DNAJB13: variants seen among roughly 807,000 people sequenced by gnomAD.
DNAJB13 encodes DnaJ heat shock protein family (Hsp40) member B13.
A neutral mutation model predicts 35.6 loss-of-function variants in DNAJB13; 22 were observed. The ratio of observed to expected loss-of-function variants is 0.62; its 90% CI spans 0.44 to 0.88. DNAJB13 has a LOEUF of 0.88. Among genes scored for constraint, DNAJB13 ranks in the 40% least tolerant of loss-of-function variants. The probability of loss-of-function intolerance (pLI) is 0.00; values close to 1 mark genes in which losing one functional copy is unlikely to be tolerated. For missense variants in DNAJB13, 370 were observed against 384.3 expected (o/e 0.96, Z 0.31); for synonymous variants, 136 against 144.2 (o/e 0.94, Z 0.41).
chr11:73,962,707 C>T (rs1339303449), intron 3 of DNAJB13, among the ~76,000 whole-genome samples: 2 of 152,208 alleles, frequency 1.3e-5, no homozygotes, highest in Non-Finnish European at 2.9e-5. Flanking sequence ...TTCAGCCTTT[C>T]TGAACTTCAT....
intron 5 of DNAJB13, chr11:73,968,120 G>A: frequency 1.9e-6 from 1 of 524,896 alleles, no homozygotes; most frequent in Non-Finnish European, 3.4e-6. Context: ...TGTCTATTTT[G>A]GGCATGCTCA....
rs776842427 is a variant in DNAJB13, at chr11:73,959,672, C to T, written c.334+17C>T. On this transcript the variant is annotated intron_variant, in intron 3 of 7. Transcript: ENST00000339764. ...CCTTCAGTGGTAAGAGGTCTTCCTCCCCCACCTTGCCTTATAGAGAAAGGA... is the reference window on the plus strand; with the variant it reads ...CCTTCAGTGGTAAGAGGTCTTCCTCTCCCACCTTGCCTTATAGAGAAAGGA... The T allele has an allele frequency of 2.2e-5, 35 of 1,608,706 alleles. No individual in the cohort carries two copies. The Admixed American group carries it at 5.2e-4, about 24-fold the overall frequency.
chr11:73,955,860 A>G (rs968144856), intron 1 of DNAJB13, among the ~76,000 whole-genome samples: 1 of 152,142 alleles, frequency 6.6e-6, no homozygotes, highest in Non-Finnish European at 1.5e-5. Context: ...GCTGGTTTGG[A>G]AGGCTGTGAC....
intron 3 of DNAJB13, among the ~76,000 whole-genome samples, chr11:73,962,920 C>T (rs1358704620): frequency 6.6e-6 from 1 of 152,186 alleles, no homozygotes; most frequent in Non-Finnish European, 1.5e-5. Context: ...CCGTGTGATC[C>T]TGGGAAAATT....
chr11:73,953,400 G>A (rs1055246170), intron 1 of DNAJB13, among the ~76,000 whole-genome samples: 1 of 152,152 alleles, frequency 6.6e-6, no homozygotes, highest in Non-Finnish European at 1.5e-5. Context: ...TCAGCTGGGA[G>A]CATCGGCCAG....
At chr11:73,964,644 T>C (rs907156223) in intron 3 of DNAJB13, 1 of 526,214 alleles carries the variant, frequency 1.9e-6, no homozygotes, top group South Asian at 2.2e-5. Flanking sequence ...CAAAGGATGA[T>C]AATCACTGCA....
chr11:73,952,246 G>A (rs1396048363), intron 1 of DNAJB13, among the ~76,000 whole-genome samples: 3 of 152,200 alleles, frequency 2.0e-5, no homozygotes, highest in Non-Finnish European at 4.4e-5. Flanking sequence ...CAGAGAAAGG[G>A]GAGGGAATGG....
At chr11:73,953,765 A>C (rs1336973123) in intron 1 of DNAJB13, among the ~76,000 whole-genome samples, 1 of 151,832 alleles carries the variant, frequency 6.6e-6, no homozygotes, top group Non-Finnish European at 1.5e-5. Context: ...ACTGAGTATA[A>C]AACAATATGA....
chr11:73,968,500 G>A (rs781016636), intron 6 of DNAJB13, 42 bp downstream of exon 6: 1 of 1,559,054 alleles, frequency 6.4e-7, no homozygotes, highest in East Asian at 2.3e-5. Flanking sequence ...GGAGATCAGA[G>A]TGAGCCCTGC....
chr11:73,958,411 C>G lies in DNAJB13; in HGVS notation c.163C>G (p.Leu55Val). 6.2e-7 allele frequency: 1 copy of G among 1,614,090 alleles called. No homozygotes were observed. Among genetic ancestry groups the G allele is most frequent in the East Asian group, 2.2e-5 (1 of 44,880 alleles). Reference protein sequence around the residue: ...FRQIAEAYDVLSDPMKRGIYD... With the variant: ...FRQIAEAYDVVSDPMKRGIYD... The stretch of plus-strand genomic sequence containing the variant: ...GCAAATAGCAGAGGCCTACGACGTG[C>G]TGAGTGACCGTGAGTAGGTGTGGGG... The change falls in exon 2 of 8, where the codon CTG (leucine) becomes GTG (valine). Residue 55 changes from leucine (L) to valine (V), a missense_variant. Coordinates refer to ENST00000339764, the MANE Select transcript of DNAJB13 (RefSeq NM_153614.4).
At chr11:73,962,480 G>GGTAGGCGGAAGGATGGCTGA (rs56801184) in intron 3 of DNAJB13, among the ~76,000 whole-genome samples, 6,824 of 150,640 alleles carry the variant, frequency 0.045, 551 homozygotes, top group African/African-American at 0.16. Flanking sequence ...TGGATGGCTG[G>GGTAGGCGGAAGGATGGCTGA]GTAGGCGGAA....
intron 5 of DNAJB13, among the ~76,000 whole-genome samples, chr11:73,967,143 G>T (rs1369964151): frequency 6.7e-6 from 1 of 150,192 alleles, no homozygotes; most frequent in African/African-American, 2.4e-5. Flanking sequence ...GTGAGCCACT[G>T]CGCCCAGCCA....
In DNAJB13 at chr11:73,969,182, C is replaced by T. The variant is rs1219222764; in HGVS notation, c.721-64C>T. ...TGGCACTGGACAGGTTCCTAAGGTG[C>T]CTTCTAAATAGGAGAGCCATGGTGA... is the stretch of plus-strand genomic sequence containing the variant. On this transcript the variant is annotated intron_variant, in intron 6 of 7. Transcript: ENST00000339764. 9.3e-5 allele frequency: 69 copies of T among 740,012 alleles called. No homozygotes were observed. The East Asian group carries it at 1.8e-3, about 19-fold the overall frequency. 45.8% of individuals were successfully genotyped at this position (740,012 alleles called of 1,614,324 possible). A position where few individuals can be genotyped will look rare whatever the true frequency, so the allele number is the denominator to read the frequency against.
intron 7 of DNAJB13, 117 bp downstream of exon 7, chr11:73,969,439 C>G: frequency 4.3e-6 from 3 of 696,570 alleles, no homozygotes; most frequent in Admixed American, 2.4e-5. Flanking sequence ...CAGAAGGGTT[C>G]CCTGCTGAGG....
chr11:73,954,306 A>C (rs1327861967), intron 1 of DNAJB13, among the ~76,000 whole-genome samples: 2 of 151,292 alleles, frequency 1.3e-5, no homozygotes, highest in Non-Finnish European at 2.9e-5. Flanking sequence ...AGCCTGGGTG[A>C]CAGAGTGAGA....
chr11:73,960,621 C>T (rs1021961871), intron 3 of DNAJB13, among the ~76,000 whole-genome samples: 4 of 152,344 alleles, frequency 2.6e-5, no homozygotes, highest in African/African-American at 7.2e-5. Context: ...CGTGTCTGGC[C>T]GAGCCCTCCA....
chr11:73,958,213 G>A (rs1389577211), intron 1 of DNAJB13, 104 bp from the exon 2 acceptor site: 2 of 1,199,726 alleles, frequency 1.7e-6, no homozygotes, highest in African/African-American at 3.0e-5. Context: ...AGTCACCCCG[G>A]ATTTATAGCT....
At chr11:73,954,494 G>A (rs1950679697) in intron 1 of DNAJB13, among the ~76,000 whole-genome samples, 1 of 151,340 alleles carries the variant, frequency 6.6e-6, no homozygotes, top group Non-Finnish European at 1.5e-5. Flanking sequence ...GCCGGGCGTG[G>A]TAGCAGGTGC....
At chr11:73,965,151 C>CT in intron 4 of DNAJB13, 116 bp downstream of exon 4, 1 of 1,188,740 alleles carries the variant, frequency 8.4e-7, no homozygotes, top group Non-Finnish European at 1.2e-6. Flanking sequence ...ATTATGGAAC[C>CT]TTAGATTCAG....
Sources: allele counts gnomAD v4.1 joint callset (sites outside exome capture counted in the v4.1 genomes callset), GRCh38; gene constraint gnomAD v4.1.1; transcripts MANE v1.5; gene names NCBI Gene and HGNC (gene_info 2026-07-23, HGNC 2026-07-21).